The following BDKRB1 variants were observed in gnomAD, a reference collection of about 807,000 sequenced individuals.
BDKRB1 encodes bradykinin receptor B1, also known as B1 bradykinin receptor.
For missense variants in BDKRB1, 414 were observed against 441.4 expected (o/e 0.94, Z 0.56); for synonymous variants, 192 against 189.1 (o/e 1.02, Z -0.13).
chr14:96,262,323 G>C (rs1201617830), intron 1 of BDKRB1, among the ~76,000 whole-genome samples: 1 of 152,190 alleles, frequency 6.6e-6, no homozygotes, highest in East Asian at 1.9e-4. Flanking sequence ...TCTTGAATCA[G>C]ACTGCCTGGG....
chr14:96,262,448 G>T (rs1429745234), intron 1 of BDKRB1, among the ~76,000 whole-genome samples: 2 of 152,150 alleles, frequency 1.3e-5, no homozygotes, highest in Non-Finnish European at 2.9e-5. Context: ...ACCTTGAATG[G>T]CTGCCAGGAA....
chr14:96,264,333 G>A lies in BDKRB1; in HGVS notation c.651G>A (p.Ala217=), dbSNP rs560358743. The part of the protein sequence containing the change: ...NILGFLLPLA[A]IVFFNYHILA... ...TGGGTTTCCTCCTACCACTGGCTGC[G>A]ATCGTCTTCTTCAACTACCACATCC... is the stretch of plus-strand genomic sequence containing the variant. Residue 217 remains alanine (A), a synonymous_variant, in exon 3 of 3, where the codon GCG becomes GCA. Transcript: ENST00000216629. 46 of 1,614,110 alleles carry A rather than the reference G, an allele frequency of 2.8e-5. No individual in the cohort carries two copies. The highest frequency in any genetic ancestry group is 5.3e-5 in the African/African-American group (4 of 74,936).
chr14:96,262,606 C>CTTTTTTTTTTTTTTTTTTTTTTTTTTT, intron 1 of BDKRB1, 46 bp from the exon 2 acceptor site: 14 of 308,800 alleles, frequency 4.5e-5, no homozygotes, highest in South Asian at 1.3e-4. Flanking sequence ...TCTCTCTCTC[C>CTTTTTTTTTTTTTTTTTTTTTTTTTTT]TTTTTTTTTT....
intron 1 of BDKRB1, among the ~76,000 whole-genome samples, chr14:96,258,839 T>A (rs1885677523): frequency 1.3e-5 from 2 of 152,022 alleles, no homozygotes. Context: ...TATTTTTTTT[T>A]AACCAGATTA....
chr14:96,261,795 C>T lies in BDKRB1; in HGVS notation c.-129-857C>T, dbSNP rs545825518. On this transcript the variant is annotated intron_variant, in intron 1 of 2. Transcript: ENST00000216629. ...AGATTGTCTGGAGCCGCATAAATCC[C>T]GCAGTGTAGGCAGCTGCTCATTCTG... Among the ~76,000 whole-genome samples the T allele has an allele frequency of 2.6e-4, 39 of 152,338 alleles. No individual in the cohort carries two copies. In the East Asian group the frequency reaches 3.3e-3, roughly 13 times the overall value.
intron 1 of BDKRB1, among the ~76,000 whole-genome samples, chr14:96,257,109 C>T (rs1414419196): frequency 6.6e-6 from 1 of 152,240 alleles, no homozygotes; most frequent in Non-Finnish European, 1.5e-5. Flanking sequence ...ACTTTATAAA[C>T]ACAGACAGCA....
At chr14:96,260,390 A>G (rs1233110203) in intron 1 of BDKRB1, among the ~76,000 whole-genome samples, 1 of 152,198 alleles carries the variant, frequency 6.6e-6, no homozygotes, top group East Asian at 1.9e-4. Flanking sequence ...TCTTGCAATC[A>G]GTGAAATTGC....
chr14:96,257,878 G>GGGAA (rs886138832), intron 1 of BDKRB1, among the ~76,000 whole-genome samples: 5 of 151,108 alleles, frequency 3.3e-5, no homozygotes, highest in South Asian at 2.1e-4. Context: ...AAAGAAGGAA[G>GGGAA]GGAAGGAAGG....
intron 1 of BDKRB1, among the ~76,000 whole-genome samples, chr14:96,256,540 C>T (rs28618987): frequency 2.0e-5 from 3 of 152,110 alleles, no homozygotes; most frequent in African/African-American, 4.8e-5. Context: ...TTTTAGAACT[C>T]GTAGGAAGGT....
chr14:96,258,740 T>C (rs1404925537), intron 1 of BDKRB1, among the ~76,000 whole-genome samples: 4 of 152,120 alleles, frequency 2.6e-5, no homozygotes, highest in Non-Finnish European at 5.9e-5. Context: ...AGGTTGGTCT[T>C]GAACTCCTGA....
At chr14:96,256,537 A>T (rs1885622638) in intron 1 of BDKRB1, among the ~76,000 whole-genome samples, 1 of 152,142 alleles carries the variant, frequency 6.6e-6, no homozygotes, top group African/African-American at 2.4e-5. Flanking sequence ...AGGTTTTAGA[A>T]CTCGTAGGAA....
At chr14:96,262,876 C>T in intron 2 of BDKRB1, 106 bp downstream of exon 2, 1 of 349,482 alleles carries the variant, frequency 2.9e-6, no homozygotes, top group South Asian at 2.2e-5. Flanking sequence ...GATCCATCTG[C>T]CTTGGCCTCC....
Position 96,264,763 on chromosome 14 carries a change from A to T in BDKRB1, c.*19A>T, listed in dbSNP as rs765314267. The stretch of plus-strand genomic sequence containing the variant: ...GAATTAAAACAGCATTGAACCAAGA[A>T]GCTTGGCTTTCTTATCAATTCTTTG... On this transcript the variant is annotated 3_prime_UTR_variant, in exon 3 of 3. Transcript: ENST00000216629. 6.9e-5 allele frequency: 109 copies of T among 1,583,136 alleles called. No homozygotes were observed. In the East Asian group the frequency reaches 2.4e-3, roughly 35 times the overall value.
rs1885809309 is a variant in BDKRB1, at chr14:96,263,677, C to T, written c.-6C>T. The T allele has an allele frequency of 8.7e-6, 14 of 1,607,536 alleles. No individual in the cohort carries two copies. Among genetic ancestry groups the T allele is most frequent in the Non-Finnish European group, 1.2e-5 (14 of 1,177,508 alleles). On this transcript the variant is annotated 5_prime_UTR_variant, in exon 3 of 3. Transcript: ENST00000216629. ...TCTACCTTCTGTTCATTTCAGGTCA[C>T]TGTGCATGGCATCATCCTGGCCCCC...
chr14:96,259,266 T>C (rs1885688381), intron 1 of BDKRB1: 1 of 151,862 alleles, frequency 6.6e-6, no homozygotes, highest in South Asian at 2.1e-4. Context: ...CATTTTAGGA[T>C]GCTGAGACTC....
chr14:96,256,524 G>T (rs1197641248), intron 1 of BDKRB1, among the ~76,000 whole-genome samples: 1 of 152,176 alleles, frequency 6.6e-6, no homozygotes, highest in East Asian at 1.9e-4. Flanking sequence ...GAGGAGGAGG[G>T]AAAGGTTTTA....
intron 1 of BDKRB1, among the ~76,000 whole-genome samples, chr14:96,260,535 A>T (rs1195741006): frequency 1.3e-5 from 2 of 152,152 alleles, no homozygotes; most frequent in Non-Finnish European, 2.9e-5. Flanking sequence ...ATTACTCCAA[A>T]AGGGTTTATT....
chr14:96,256,983 G>C (rs1262942094), intron 1 of BDKRB1, among the ~76,000 whole-genome samples: 1 of 152,158 alleles, frequency 6.6e-6, no homozygotes, highest in Non-Finnish European at 1.5e-5. Flanking sequence ...TTCAAATAGG[G>C]TCACATATTA....
chr14:96,258,928 C>A (rs1014752825), intron 1 of BDKRB1, among the ~76,000 whole-genome samples: 1 of 150,970 alleles, frequency 6.6e-6, no homozygotes, highest in African/African-American at 2.4e-5. Flanking sequence ...AAAAAAAAAT[C>A]ATTGGCTTTC....
Sources: allele counts gnomAD v4.1 joint callset (sites outside exome capture counted in the v4.1 genomes callset), GRCh38; gene constraint gnomAD v4.1.1; transcripts MANE v1.5; gene names NCBI Gene and HGNC (gene_info 2026-07-23, HGNC 2026-07-21).